The following CDH8 variants were observed in gnomAD, a reference collection of about 807,000 sequenced individuals.
CDH8 encodes cadherin-8.
Under a neutral mutation model 68.1 loss-of-function variants are expected in CDH8, and 17 were observed. The observed-to-expected ratio is 0.25, with a 90% confidence interval of 0.17 to 0.37. The LOEUF (loss-of-function observed/expected upper bound fraction) is 0.37. Ranked by LOEUF, CDH8 falls within the 10% of genes least tolerant of loss-of-function variation. The pLI is 1.00. For missense variants in CDH8, 763 were observed against 999.3 expected, an observed-to-expected ratio of 0.76 and a Z score of 3.19; for synonymous variants, 372 against 365.1, an observed-to-expected ratio of 1.02 and a Z score of -0.21.
chr16:61,739,318 A>G (rs1249144765), intron 8 of CDH8, among the ~76,000 whole-genome samples: 2 of 152,180 alleles, frequency 1.3e-5, no homozygotes, highest in East Asian at 3.8e-4. Context: ...ATTTAATACT[A>G]CTTTACAACA....
chr16:61,872,333 C>T (rs532869489), intron 3 of CDH8, among the ~76,000 whole-genome samples: 1 of 152,268 alleles, frequency 6.6e-6, no homozygotes, highest in Non-Finnish European at 1.5e-5. Flanking sequence ...GGTTGGGATA[C>T]AGATTGTTTC....
Position 61,691,775 on chromosome 16 carries a change from A to T in CDH8, c.1654+22066T>A, listed in dbSNP as rs151186975. ...GGCAGCTTTTGTAGTACTTGGCTCA[A>T]ACACTGAAAATACACTGAACAGCAG... On this transcript the variant is annotated intron_variant, in intron 10 of 11. Coordinates refer to ENST00000577390, the MANE Select transcript of CDH8 (RefSeq NM_001796.5). The T allele has an allele frequency of 3.2e-3, 488 of 152,204 alleles. 1 individual carries two copies. The highest frequency in any genetic ancestry group is 0.011 in the African/African-American group (465 of 41,532). 9.4% of individuals were successfully genotyped at this position (152,204 alleles called of 1,614,324 possible).
At chr16:61,726,487 C>A (rs1225108548) in intron 9 of CDH8, 2 of 150,294 alleles carry the variant, frequency 1.3e-5, no homozygotes, top group Non-Finnish European at 3.0e-5. Context: ...CCCTTTCCTT[C>A]TCCCTCTCTC....
chr16:61,955,019 G>A (rs1408288866), intron 2 of CDH8, among the ~76,000 whole-genome samples: 1 of 152,200 alleles, frequency 6.6e-6, no homozygotes, highest in Non-Finnish European at 1.5e-5. Flanking sequence ...ATGTAGAAAT[G>A]AAACAGAGTC....
chr16:61,746,359 A>C (rs1481368673), intron 8 of CDH8, among the ~76,000 whole-genome samples: 4 of 151,736 alleles, frequency 2.6e-5, no homozygotes, highest in African/African-American at 9.7e-5. Flanking sequence ...AATCAGTTAA[A>C]CTCTGAAAGG....
intron 2 of CDH8, among the ~76,000 whole-genome samples, chr16:61,905,820 C>T (rs1028344431): frequency 2.0e-5 from 3 of 151,584 alleles, no homozygotes; most frequent in Non-Finnish European, 4.4e-5. Flanking sequence ...CGTTGAACCC[C>T]GGAGGTGGAG....
At chr16:61,855,180 A>G (rs1157443710) in intron 4 of CDH8, among the ~76,000 whole-genome samples, 1 of 152,160 alleles carries the variant, frequency 6.6e-6, no homozygotes, top group Admixed American at 6.6e-5. Flanking sequence ...AGACAATTTG[A>G]TATCTGTCAG....
intron 2 of CDH8, among the ~76,000 whole-genome samples, chr16:61,901,936 G>A (rs1400322321): frequency 6.6e-6 from 1 of 152,046 alleles, no homozygotes; most frequent in East Asian, 1.9e-4. Context: ...AACTGATGCT[G>A]AACGAGGCAC....
chr16:61,947,389 C>T (rs918844274), intron 2 of CDH8, among the ~76,000 whole-genome samples: 1 of 152,190 alleles, frequency 6.6e-6, no homozygotes, highest in African/African-American at 2.4e-5. Flanking sequence ...ATAGATTAAA[C>T]TTCTTTTCAG....
At chr16:61,881,044 AAAACT>A (rs1289464793) in intron 3 of CDH8, among the ~76,000 whole-genome samples, 14 of 152,160 alleles carry the variant, frequency 9.2e-5, no homozygotes, top group African/African-American at 3.4e-4. Context: ...AGGAGACCTT[AAAACT>A]GGATTCTTGC....
At chr16:62,001,739 T>C in intron 2 of CDH8, among the ~76,000 whole-genome samples, 1 of 152,150 alleles carries the variant, frequency 6.6e-6, no homozygotes, top group East Asian at 1.9e-4. Context: ...GGTACGTATG[T>C]ATACATGTGC....
intron 2 of CDH8, among the ~76,000 whole-genome samples, chr16:61,908,163 T>C (rs1352372796): frequency 1.3e-5 from 2 of 152,088 alleles, no homozygotes; most frequent in Non-Finnish European, 2.9e-5. Flanking sequence ...TTAGCACTCC[T>C]GAATCAAATT....
At chr16:61,802,168 G>A (rs540660874) in intron 7 of CDH8, among the ~76,000 whole-genome samples, 29 of 113,272 alleles carry the variant, frequency 2.6e-4, no homozygotes, top group East Asian at 7.1e-4. Context: ...CCTGACCCCC[G>A]AGCAGCCTAA....
chr16:61,757,930 A>G (rs1960364259), intron 8 of CDH8, among the ~76,000 whole-genome samples: 1 of 152,186 alleles, frequency 6.6e-6, no homozygotes, highest in Non-Finnish European at 1.5e-5. Flanking sequence ...GTTATGCCGC[A>G]GTAGATAATC....
At chr16:61,792,522 TGTAC>T (rs1961401574) in intron 7 of CDH8, among the ~76,000 whole-genome samples, 1 of 151,982 alleles carries the variant, frequency 6.6e-6, no homozygotes, top group East Asian at 1.9e-4. Flanking sequence ...ACACCAAATT[TGTAC>T]CAAGCACAGT....
At chr16:61,780,011 T>C (rs559105851) in intron 8 of CDH8, among the ~76,000 whole-genome samples, 2 of 152,326 alleles carry the variant, frequency 1.3e-5, no homozygotes, top group African/African-American at 4.8e-5. Flanking sequence ...CTCTCATCCT[T>C]GCCCTCTGTG....
intron 2 of CDH8, among the ~76,000 whole-genome samples, chr16:61,908,195 C>T (rs1306451122): frequency 6.6e-6 from 1 of 152,152 alleles, no homozygotes; most frequent in East Asian, 1.9e-4. Context: ...TTATTTTCTC[C>T]AAATCATGCC....
intron 9 of CDH8, among the ~76,000 whole-genome samples, chr16:61,724,726 C>G (rs564007329): frequency 6.6e-6 from 1 of 150,820 alleles, no homozygotes; most frequent in African/African-American, 2.4e-5. Context: ...TTATTTTTCA[C>G]GAGCATGTGA....
chr16:61,947,417 A>T (rs951753201), intron 2 of CDH8, among the ~76,000 whole-genome samples: 1 of 152,164 alleles, frequency 6.6e-6, no homozygotes, highest in Admixed American at 6.5e-5. Flanking sequence ...GATTCATCAA[A>T]CCTGTATTGC....
Sources: gnomAD v4.1 joint callset for allele counts (sites outside exome capture counted in the v4.1 genomes callset) on GRCh38, gnomAD v4.1.1 for gene constraint, MANE v1.5 for transcripts, NCBI Gene and HGNC (gene_info 2026-07-23, HGNC 2026-07-21) for gene names.